IGF2BP3: variants seen among roughly 807,000 people sequenced by gnomAD.
IGF2BP3 encodes insulin-like growth factor 2 mRNA-binding protein 3.
Under a neutral mutation model 73.8 loss-of-function variants are expected in IGF2BP3, and 9 were observed. The ratio of observed to expected loss-of-function variants is 0.12; its 90% CI spans 0.07 to 0.21. The LOEUF is 0.21. Ranked by LOEUF, IGF2BP3 falls within the 10% of genes least tolerant of loss-of-function variation. IGF2BP3 has a pLI of 1.00. For synonymous variants in IGF2BP3, 258 were observed against 256.7 expected (o/e 1.01, Z -0.05); for missense variants, 542 against 714.0 (o/e 0.76, Z 2.75).
intron 2 of IGF2BP3, among the ~76,000 whole-genome samples, chr7:23,428,190 A>C (rs1321158727): frequency 6.6e-6 from 1 of 151,588 alleles, no homozygotes; most frequent in Non-Finnish European, 1.5e-5. Context: ...AAACAAAAAA[A>C]GCCAGAAGCA....
At chr7:23,361,026 A>C (rs1422426963) in intron 5 of IGF2BP3, among the ~76,000 whole-genome samples, 3 of 152,142 alleles carry the variant, frequency 2.0e-5, no homozygotes, top group Non-Finnish European at 4.4e-5. Flanking sequence ...ACTGCACTGG[A>C]ATATATTTTT....
intron 2 of IGF2BP3, among the ~76,000 whole-genome samples, chr7:23,437,577 T>A (rs1285232986): frequency 6.6e-6 from 1 of 152,184 alleles, no homozygotes; most frequent in Non-Finnish European, 1.5e-5. Context: ...AAGACAATTC[T>A]GCACAATTCA....
At chr7:23,346,377 C>CAGT (rs1784828244) in intron 7 of IGF2BP3, among the ~76,000 whole-genome samples, 2 of 152,138 alleles carry the variant, frequency 1.3e-5, no homozygotes, top group African/African-American at 4.8e-5. Context: ...AAATAAAAAA[C>CAGT]AGTACCATCC....
At chr7:23,371,314 G>T (rs961257386) in intron 3 of IGF2BP3, among the ~76,000 whole-genome samples, 2 of 151,844 alleles carry the variant, frequency 1.3e-5, no homozygotes, top group Admixed American at 6.6e-5. Flanking sequence ...ATATGGAGAT[G>T]AAGGGAACAT....
At chr7:23,468,821 C>T (rs1788632588) in intron 1 of IGF2BP3, among the ~76,000 whole-genome samples, 1 of 152,182 alleles carries the variant, frequency 6.6e-6, no homozygotes, top group Admixed American at 6.5e-5. Context: ...GGGCCACCAA[C>T]ACCACGAGGC....
At chr7:23,465,529 C>CT (rs1554338705) in intron 2 of IGF2BP3, among the ~76,000 whole-genome samples, 3 of 151,740 alleles carry the variant, frequency 2.0e-5, no homozygotes, top group African/African-American at 7.3e-5. Context: ...AGGGTCCCCC[C>CT]CCAAGCTCCA....
chr7:23,355,259 T>C (rs1161890862), intron 5 of IGF2BP3, among the ~76,000 whole-genome samples: 2 of 151,856 alleles, frequency 1.3e-5, no homozygotes, highest in Non-Finnish European at 2.9e-5. Context: ...TCTCACTTTT[T>C]TGCCCAGGCT....
intron 5 of IGF2BP3, among the ~76,000 whole-genome samples, chr7:23,359,368 T>A (rs1785170310): frequency 6.6e-6 from 1 of 152,240 alleles, no homozygotes. Context: ...CTCCAACTTA[T>A]GTTCTCCCAT....
At chr7:23,343,894 T>TG (rs775190201) in intron 8 of IGF2BP3, 41 bp from the exon 9 acceptor site, 3 of 1,594,880 alleles carry the variant, frequency 1.9e-6, no homozygotes, top group African/African-American at 1.3e-5. Context: ...GAATGAAAAT[T>TG]GGAGGAAGAC....
intron 3 of IGF2BP3, among the ~76,000 whole-genome samples, chr7:23,417,140 A>G (rs906863928): frequency 6.6e-6 from 1 of 152,218 alleles, no homozygotes; most frequent in Non-Finnish European, 1.5e-5. Flanking sequence ...CCTTTAAGGA[A>G]AGAAACACCT....
chr7:23,386,389 A>G (rs1786082249), intron 3 of IGF2BP3, among the ~76,000 whole-genome samples: 1 of 152,208 alleles, frequency 6.6e-6, no homozygotes, highest in Non-Finnish European at 1.5e-5. Flanking sequence ...GTAGTGCCAG[A>G]AAGTACGTAC....
chr7:23,343,392 A>T (rs1265878897), intron 9 of IGF2BP3, among the ~76,000 whole-genome samples: 1 of 152,208 alleles, frequency 6.6e-6, no homozygotes, highest in Non-Finnish European at 1.5e-5. Context: ...CAGTTCATGT[A>T]ACATTTCTTC....
chr7:23,460,187 A>AAAAAAC (rs1788413578), intron 2 of IGF2BP3, among the ~76,000 whole-genome samples: 4 of 150,026 alleles, frequency 2.7e-5, no homozygotes, highest in African/African-American at 9.8e-5. Context: ...TCAAAAAAAA[A>AAAAAAC]AAAAAAAAAC....
chr7:23,404,917 C>T (rs1051958661), intron 3 of IGF2BP3: 10 of 152,080 alleles, frequency 6.6e-5, no homozygotes, highest in African/African-American at 2.4e-4. Flanking sequence ...CAGTCTTAAC[C>T]TTGTATATTT....
intron 3 of IGF2BP3, among the ~76,000 whole-genome samples, chr7:23,392,701 C>T (rs1232988302): frequency 6.6e-6 from 1 of 152,118 alleles, no homozygotes; most frequent in African/African-American, 2.4e-5. Context: ...ATGATCACGG[C>T]TCACTGCAGC....
In IGF2BP3 at chr7:23,335,492, T is replaced by C. The variant is rs117398843; in HGVS notation, c.1203+6572A>G. Reference sequence around the variant, plus strand: ...TTTTGTAGAGACAGAGTTCTCCCTATGTTGCCCAGCCTGATCTCAAGCAAT... The same window carrying C: ...TTTTGTAGAGACAGAGTTCTCCCTACGTTGCCCAGCCTGATCTCAAGCAAT... On this transcript the variant is annotated intron_variant, in intron 10 of 14. Transcript: ENST00000258729. Among the ~76,000 whole-genome samples the C allele has an allele frequency of 2.8e-4, 43 of 151,844 alleles. No individual in the cohort carries two copies. The East Asian group carries it at 8.1e-3, about 29-fold the overall frequency.
intron 2 of IGF2BP3, among the ~76,000 whole-genome samples, chr7:23,450,452 A>C (rs1562760115): frequency 6.6e-6 from 1 of 152,206 alleles, no homozygotes; most frequent in Non-Finnish European, 1.5e-5. Context: ...CCAAATGACT[A>C]AATTTGAGCT....
intron 3 of IGF2BP3, among the ~76,000 whole-genome samples, chr7:23,399,847 G>T (rs1786603035): frequency 6.6e-6 from 1 of 152,086 alleles, no homozygotes; most frequent in Admixed American, 6.6e-5. Context: ...TTCTCAATGT[G>T]TGTATGTTTG....
chr7:23,322,609 C>A (rs1214778849), intron 10 of IGF2BP3, among the ~76,000 whole-genome samples: 1 of 152,194 alleles, frequency 6.6e-6, no homozygotes, highest in Non-Finnish European at 1.5e-5. Context: ...AACTCCAAGA[C>A]ACATAATTGT....
Sources: allele counts gnomAD v4.1 joint callset (sites outside exome capture counted in the v4.1 genomes callset), GRCh38; gene constraint gnomAD v4.1.1; transcripts MANE v1.5; gene names NCBI Gene and HGNC (gene_info 2026-07-23, HGNC 2026-07-21).